The following GALNT13 variants were observed in gnomAD, a reference collection of about 807,000 sequenced individuals.
The protein encoded by GALNT13 is polypeptide N-acetylgalactosaminyltransferase 13.
Under a neutral mutation model 64.2 loss-of-function variants are expected in GALNT13, and 28 were observed. The observed-to-expected ratio is 0.44, with a 90% CI of 0.32 to 0.60. GALNT13 has a LOEUF of 0.60. GALNT13 is among the 20% of genes least tolerant of loss of function. The probability of loss-of-function intolerance (pLI) is 0.05; values close to 1 mark genes in which losing one functional copy is unlikely to be tolerated. For missense variants in GALNT13, 577 were observed against 669.8 expected (o/e 0.86, Z 1.53); for synonymous variants, 214 against 224.6 (o/e 0.95, Z 0.42).
At chr2:153,864,414 T>A in the GALNT13 span, among the ~76,000 whole-genome samples, 2 of 152,320 alleles carry the variant, frequency 1.3e-5, no homozygotes, top group African/African-American at 4.8e-5. Context: ...TATTTTATTC[T>A]CTTTGAAGCA....
At chr2:153,800,647 G>C in the GALNT13 span, among the ~76,000 whole-genome samples, 1 of 152,114 alleles carries the variant, frequency 6.6e-6, no homozygotes, top group Admixed American at 6.6e-5. Context: ...TTTCAACGAC[G>C]TTCACAAGCA....
the GALNT13 span, among the ~76,000 whole-genome samples, chr2:153,154,628 G>C: frequency 6.6e-6 from 1 of 152,062 alleles, no homozygotes; most frequent in Non-Finnish European, 1.5e-5. Flanking sequence ...ATCAGTTTAA[G>C]AAGCTTTGGG....
the GALNT13 span, among the ~76,000 whole-genome samples, chr2:153,827,593 T>C: frequency 3.9e-4 from 53 of 135,886 alleles, no homozygotes; most frequent in African/African-American, 1.4e-3. Context: ...GCCACTGCAC[T>C]CCAGCCTGGG....
intron 4 of GALNT13, among the ~76,000 whole-genome samples, chr2:154,226,534 A>G (rs1021851602): frequency 3.3e-5 from 5 of 152,198 alleles, no homozygotes; most frequent in Admixed American, 2.0e-4. Flanking sequence ...AAAACTGTGC[A>G]TGGAGAAATA....
At chr2:153,723,008 G>T in the GALNT13 span, among the ~76,000 whole-genome samples, 1 of 152,052 alleles carries the variant, frequency 6.6e-6, no homozygotes, top group Admixed American at 6.6e-5. Flanking sequence ...CCAAAAGAGA[G>T]AATTTAGAAC....
chr2:153,175,484 A>G, the GALNT13 span, among the ~76,000 whole-genome samples: 6 of 152,186 alleles, frequency 3.9e-5, no homozygotes, highest in Non-Finnish European at 8.8e-5. Flanking sequence ...ACGGGAGCCT[A>G]TGGATGAGTG....
At chr2:154,212,016 A>G (rs1387688424) in intron 4 of GALNT13, among the ~76,000 whole-genome samples, 1 of 152,252 alleles carries the variant, frequency 6.6e-6, no homozygotes, top group East Asian at 1.9e-4. Flanking sequence ...AAAACTAAAA[A>G]TATTGTCCAT....
intron 3 of GALNT13, among the ~76,000 whole-genome samples, chr2:154,114,108 A>C (rs1703142106): frequency 6.6e-6 from 1 of 152,178 alleles, no homozygotes; most frequent in Non-Finnish European, 1.5e-5. Flanking sequence ...TGCATCTTTT[A>C]AGTCCTTGAT....
chr2:154,060,925 A>G (rs953496299), intron 3 of GALNT13, among the ~76,000 whole-genome samples: 1 of 152,120 alleles, frequency 6.6e-6, no homozygotes, highest in Non-Finnish European at 1.5e-5. Context: ...ACACAGAAAA[A>G]TCTAGCCGAC....
the GALNT13 span, among the ~76,000 whole-genome samples, chr2:153,467,445 T>G: frequency 6.6e-6 from 1 of 152,110 alleles, no homozygotes; most frequent in Non-Finnish European, 1.5e-5. Flanking sequence ...CTGTCCTTAC[T>G]GTCCATCCTT....
At chr2:153,246,556 T>A in the GALNT13 span, among the ~76,000 whole-genome samples, 4 of 152,306 alleles carry the variant, frequency 2.6e-5, no homozygotes, top group African/African-American at 9.6e-5. Flanking sequence ...CTAAGCTTCA[T>A]AAGTGAAGGA....
rs1403298945 is a variant in GALNT13, at chr2:154,043,451, T to TAC, written c.143-96885_143-96884insCA. 3.9e-3 allele frequency among the ~76,000 whole-genome samples: 444 copies of TAC among 113,554 alleles called. 18 individuals carry two copies. The highest frequency in any genetic ancestry group is 0.013 in the African/African-American group (321 of 25,096). The allele number at this position is 113,554 out of a possible 152,430, so 74.5% of individuals were successfully genotyped here. The stretch of plus-strand genomic sequence containing the variant: ...ATATATATATATATATATATATATA[T>TAC]ATATACACACATGTATACATAAAAA... On this transcript the variant is annotated intron_variant, in intron 3 of 12. Coordinates refer to ENST00000392825, the MANE Select transcript of GALNT13 (RefSeq NM_052917.4).
the GALNT13 span, among the ~76,000 whole-genome samples, chr2:153,773,350 C>T: frequency 8.5e-5 from 13 of 152,256 alleles, no homozygotes; most frequent in South Asian, 4.1e-4. Flanking sequence ...TGCTGTAATG[C>T]GCTGTGGCAA....
the GALNT13 span, among the ~76,000 whole-genome samples, chr2:153,117,959 G>A: frequency 6.6e-6 from 1 of 152,050 alleles, no homozygotes. Flanking sequence ...AGTCCCTAAT[G>A]CCTCTGCCTT....
chr2:153,337,464 A>G, the GALNT13 span, among the ~76,000 whole-genome samples: 1 of 152,250 alleles, frequency 6.6e-6, no homozygotes, highest in Non-Finnish European at 1.5e-5. Context: ...ATTATGTAAA[A>G]TCTATAACAC....
intron 9 of GALNT13, among the ~76,000 whole-genome samples, chr2:154,355,373 G>A (rs1400082779): frequency 6.6e-6 from 1 of 152,022 alleles, no homozygotes; most frequent in East Asian, 1.9e-4. Context: ...CAATTTCTTA[G>A]GATTCAATCT....
the GALNT13 span, among the ~76,000 whole-genome samples, chr2:153,222,682 C>G: frequency 1.2e-4 from 18 of 152,300 alleles, no homozygotes; most frequent in African/African-American, 4.3e-4. Context: ...TTGTCAGCAC[C>G]CAAAATCCAG....
At chr2:154,444,169 T>C (rs947184939) in intron 12 of GALNT13, among the ~76,000 whole-genome samples, 12 of 151,980 alleles carry the variant, frequency 7.9e-5, no homozygotes, top group African/African-American at 2.9e-4. Context: ...GTGAGACCCT[T>C]TCTCTAAAAC....
chr2:153,729,173 C>G, the GALNT13 span, among the ~76,000 whole-genome samples: 1 of 152,008 alleles, frequency 6.6e-6, no homozygotes, highest in Admixed American at 6.6e-5. Context: ...TGGAAGCATT[C>G]CCTTTGAAAA....
Sources: gnomAD v4.1 joint callset for allele counts (sites outside exome capture counted in the v4.1 genomes callset) on GRCh38, gnomAD v4.1.1 for gene constraint, MANE v1.5 for transcripts, NCBI Gene and HGNC (gene_info 2026-07-23, HGNC 2026-07-21) for gene names.